SCAF1: variants seen among roughly 807,000 people sequenced by gnomAD.
SCAF1 encodes the protein SR-related CTD associated factor 1.
A neutral mutation model predicts 91.2 loss-of-function variants in SCAF1; 28 were observed. The ratio of observed to expected loss-of-function variants is 0.31; its 90% CI spans 0.23 to 0.42. The LOEUF is 0.42. SCAF1 is among the 10% of genes least tolerant of loss of function. SCAF1 has a pLI of 1.00. For missense variants in SCAF1, 1,893 were observed against 1,872.1 expected, an observed-to-expected ratio of 1.01 and a Z score of -0.21; for synonymous variants, 1,036 against 833.7, an observed-to-expected ratio of 1.24 and a Z score of -4.18.
intron 9 of SCAF1, among the ~76,000 whole-genome samples, chr19:49,656,352 A>G (rs909849596): frequency 1.3e-5 from 2 of 152,176 alleles, no homozygotes; most frequent in African/African-American, 4.8e-5. Context: ...AGAGTTCCCT[A>G]ACAGCTCAGT....
Position 49,652,480 on chromosome 19 carries a change from C to T in SCAF1, c.2091C>T (p.Asp697=), listed in dbSNP as rs1374550871. ...CCATCCAGGACCTCACGGACCACGA[C>T]CTCTTCGCCATCAAGCGGACCATCA... ...PPSIQDLTDH[D]LFAIKRTITV... is the part of the protein sequence containing the mutation. The change falls in exon 7 of 11, where the codon GAC becomes GAT. Residue 697 remains aspartate, a synonymous_variant. Coordinates refer to ENST00000360565, the MANE Select transcript of SCAF1 (RefSeq NM_021228.3). 7 of 1,594,230 alleles carry T rather than the reference C, an allele frequency of 4.4e-6. No individual in the cohort carries two copies. The African/African-American group carries it at 8.1e-5, about 18-fold the overall frequency.
In SCAF1 at chr19:49,653,465, G is replaced by A. The variant is rs949882637; in HGVS notation, c.3076G>A (p.Glu1026Lys). 1 of 1,551,200 alleles carries A rather than the reference G, an allele frequency of 6.4e-7. No homozygotes were observed. The highest frequency in any genetic ancestry group is 8.7e-7 in the Non-Finnish European group (1 of 1,149,950). The change falls in exon 7 of 11, where the codon GAG becomes AAG. Residue 1026 changes from glutamate (E) to lysine (K), a missense_variant. This residue lies in a region of SCAF1 where 1,436 missense variants were observed against 1,306.8 expected (regional missense o/e 1.10). Coordinates refer to ENST00000360565, the MANE Select transcript of SCAF1 (RefSeq NM_021228.3). ...GVRGGAEEEEEEEEEEEEEEE... is the reference protein window; with the variant it reads ...GVRGGAEEEEKEEEEEEEEEE... ...CCGAGGTGGGGCGGAGGAGGAGGAGGAGGAAGAAGAAGAGGAGGAGGAAGA... is the reference window on the plus strand; with the variant it reads ...CCGAGGTGGGGCGGAGGAGGAGGAGAAGGAAGAAGAAGAGGAGGAGGAAGA...
chr19:49,645,115 C>T lies in SCAF1; in HGVS notation c.89C>T (p.Ser30Phe). The change falls in exon 2 of 11, where the codon TCT (serine) becomes TTT (phenylalanine). Residue 30 changes from serine (S) to phenylalanine (F), a missense_variant. By Grantham distance (155) the Ser-to-Phe change is radical. Around this residue, in one of 5 missense-constraint regions of SCAF1, gnomAD observed 270 missense variants for 292.5 expected, o/e 0.92. Transcript: ENST00000360565. This position sits in a 1 kb window ranked among gnomAD's most constrained non-coding sequence, Gnocchi z 4.6. Reference protein sequence around the residue: ...DGPPDRDPTLSPSAFILRAIQ... With the variant: ...DGPPDRDPTLFPSAFILRAIQ... ...CCGCCAGACAGAGACCCCACGCTTT[C>T]TCCTTCTGCCTTTATCCTGGTGAGG... 1 of 1,614,118 alleles carries T rather than the reference C, an allele frequency of 6.2e-7. No homozygotes were observed. Among genetic ancestry groups the T allele is most frequent in the Admixed American group, 1.7e-5 (1 of 60,016 alleles).
rs1344279462 is a variant in SCAF1 at position 49,651,471 on chromosome 19, C to T, written c.1082C>T (p.Ala361Val). Reference protein sequence around the residue: ...RVFVVGTEAEACREGKVSVEV... With the variant: ...RVFVVGTEAEVCREGKVSVEV... ...TTCGTGGTGGGGACCGAGGCAGAGG[C>T]TTGTCGGGAAGGCAAGGTCTCGGTG... Residue 361 changes from alanine (A) to valine (V), a missense_variant, in exon 7 of 11, where the codon GCT (alanine) becomes GTT (valine). Ala to Val is a moderately conservative substitution (Grantham distance 64). Transcript: ENST00000360565. 2 of 1,585,246 alleles carry T rather than the reference C, an allele frequency of 1.3e-6. No individual in the cohort carries two copies. The highest frequency in any genetic ancestry group is 1.7e-6 in the Non-Finnish European group (2 of 1,167,030).
upstream of SCAF1, among the ~76,000 whole-genome samples, chr19:49,641,441 C>T (rs1025717480): frequency 2.0e-5 from 3 of 152,282 alleles, no homozygotes; most frequent in East Asian, 3.9e-4. Context: ...CTCAGCCTCC[C>T]GAGTAGCTGG....
In SCAF1 at chr19:49,649,263, C is replaced by T. The variant is rs561612827; in HGVS notation, c.479-1605C>T. On this transcript the variant is annotated intron_variant, in intron 6 of 10. Coordinates refer to ENST00000360565, the MANE Select transcript of SCAF1 (RefSeq NM_021228.3). ...CTGTGGATCTCGCGTGTTTGCAGAG[C>T]GCTCTAGTCTGTGGAGAGTATTTTG... 3.9e-4 allele frequency among the ~76,000 whole-genome samples: 59 copies of T among 152,170 alleles called. No individual in the cohort carries two copies. The Middle Eastern group carries it at 0.01, about 26-fold the overall frequency.
rs779515816 is a variant in SCAF1, at chr19:49,651,261, C to T, written c.872C>T (p.Ser291Phe). 3 of 1,611,890 alleles carry T rather than the reference C, an allele frequency of 1.9e-6. No homozygotes were observed. Among genetic ancestry groups the T allele is most frequent in the East Asian group, 2.2e-5 (1 of 44,848 alleles). The change falls in exon 7 of 11, where the codon TCC becomes TTC. Residue 291 changes from serine to phenylalanine, a missense_variant. Transcript: ENST00000360565. The stretch of plus-strand genomic sequence containing the variant: ...GACGAGGAGGAGGAGGAAGGCCTGT[C>T]CCAGAGCATCAGCCGCATCTCGGAG... The part of the protein sequence containing the change: ...EEDEEEEEGL[S>F]QSISRISETL...
Position 49,645,165 on chromosome 19 carries a change from A to G in SCAF1, c.108+31A>G, listed in dbSNP as rs1339364835. The stretch of plus-strand genomic sequence containing the variant: ...GCTGCTGGGCTCCTGGCACTGAGGG[A>G]TGGAGGAGCTGGGCATCCACACTCC... On this transcript the variant is annotated intron_variant, in intron 2 of 10. Transcript: ENST00000360565. The surrounding 1 kb of genome is among the most constrained non-coding windows in gnomAD (Gnocchi z 4.6). 1 of 1,593,494 alleles carries G rather than the reference A, an allele frequency of 6.3e-7. No individual in the cohort carries two copies. Among genetic ancestry groups the G allele is most frequent in the Admixed American group, 1.7e-5 (1 of 59,694 alleles).
At position 49,645,676 on chromosome 19, in the gene SCAF1, A is replaced by C. The variant is rs1244860598; in HGVS notation, c.166+265A>C. 1.3e-5 allele frequency among the ~76,000 whole-genome samples: 2 copies of C among 152,188 alleles called. No homozygotes were observed. The highest frequency in any genetic ancestry group is 2.9e-5 in the Non-Finnish European group (2 of 68,018). On this transcript the variant is annotated intron_variant, in intron 3 of 10. Transcript: ENST00000360565. This position sits in a 1 kb window ranked among gnomAD's most constrained non-coding sequence, Gnocchi z 4.6. ...GTCAGGGCACCTTCCCCGAGCAGGG[A>C]CAGTGAACGGCTCTCTAAGGACCTA...
chr19:49,644,686 A>C, intron 1 of SCAF1: 8 of 208,010 alleles, frequency 3.8e-5, no homozygotes, highest in Non-Finnish European at 3.9e-5. Flanking sequence ...AGGCCAGGGA[A>C]TGAGGTCTTG....
At chr19:49,648,539 A>G (rs1323398161) in intron 6 of SCAF1, among the ~76,000 whole-genome samples, 1 of 149,118 alleles carries the variant, frequency 6.7e-6, no homozygotes, top group Non-Finnish European at 1.5e-5. Context: ...GATCACAGGC[A>G]TGAGCCACCA....
intron 10 of SCAF1, 102 bp downstream of exon 10, chr19:49,657,991 G>A: frequency 6.8e-7 from 1 of 1,462,200 alleles, no homozygotes; most frequent in Non-Finnish European, 9.3e-7. Context: ...CGGGGAGGAG[G>A]TCAGTCTGGG....
Position 49,653,043 on chromosome 19 carries a change from C to G in SCAF1, c.2654C>G (p.Thr885Ser). Reference sequence around the variant, plus strand: ...CTCAAACCTGACGAGCGGGCCCCCACTGAGATGGCCAAAGCAGCTCCGGGC... The same window carrying G: ...CTCAAACCTGACGAGCGGGCCCCCAGTGAGATGGCCAAAGCAGCTCCGGGC... ...PFLKPDERAP[T>S]EMAKAAPGST... The change falls in exon 7 of 11, where the codon ACT (threonine) becomes AGT (serine). Residue 885 changes from threonine to serine, a missense_variant. Physicochemically the swap from Thr to Ser is moderately conservative, Grantham distance 58 (BLOSUM62 1). Around this residue, in one of 5 missense-constraint regions of SCAF1, gnomAD observed 1,436 missense variants for 1,306.8 expected, o/e 1.10. Transcript: ENST00000360565. 1 of 1,614,052 alleles carries G rather than the reference C, an allele frequency of 6.2e-7. No homozygotes were observed. The highest frequency in any genetic ancestry group is 8.5e-7 in the Non-Finnish European group (1 of 1,180,018).
chr19:49,654,594 C>T (rs1353889905), intron 8 of SCAF1, 58 bp from the exon 9 acceptor site: 26 of 1,399,750 alleles, frequency 1.9e-5, no homozygotes, highest in Middle Eastern at 3.6e-4. Flanking sequence ...GTGGGGTGCA[C>T]GTCCCCTCTT....
Position 49,654,223 on chromosome 19 carries a change from C to T in SCAF1, c.3317-126C>T, listed in dbSNP as rs566567076. On this transcript the variant is annotated intron_variant, in intron 7 of 10. Transcript: ENST00000360565. ...AAGGCCCCCTTTTCCCAGTTCTGAG[C>T]GTGAGGCTTTGTGGCTGTTCTGGGG... is the stretch of plus-strand genomic sequence containing the variant. The T allele has an allele frequency of 7.4e-4, 560 of 758,742 alleles. 1 individual carries two copies. Among genetic ancestry groups the T allele is most frequent in the Non-Finnish European group, 1.1e-3 (497 of 453,636 alleles). 47.0% of individuals were successfully genotyped at this position (758,742 alleles called of 1,614,324 possible).
In SCAF1 at chr19:49,657,636, TCC is replaced by T; in HGVS notation, c.3619-124_3619-123del. 6.4e-6 allele frequency: 8 copies of T among 1,259,792 alleles called. No homozygotes were observed. The South Asian group carries it at 1.2e-4, about 18-fold the overall frequency. The allele number at this position is 1,259,792 out of a possible 1,614,324, so 78.0% of individuals were successfully genotyped here. A position where few individuals can be genotyped will look rare whatever the true frequency, so the allele number is the denominator to read the frequency against. On this transcript the variant is annotated intron_variant, in intron 9 of 10. Transcript: ENST00000360565. The stretch of plus-strand genomic sequence containing the variant: ...CATGGGACAGACCCTCAGCAGGACT[TCC>T]AGCCTGAGAGCAGCTGGACGGCCAG...
chr19:49,647,263 G>A lies in SCAF1; in HGVS notation c.478+433G>A, dbSNP rs201411975. 2.0e-5 allele frequency among the ~76,000 whole-genome samples: 3 copies of A among 152,238 alleles called. No individual in the cohort carries two copies. The East Asian group carries it at 5.8e-4, about 29-fold the overall frequency. ...CAAGTTTTTGATGTCTGAGATGTGC[G>A]CTGCCCAAGGAGGAATCTCTTCCTC... is the stretch of plus-strand genomic sequence containing the variant. On this transcript the variant is annotated intron_variant, in intron 6 of 10. Transcript: ENST00000360565.
rs769836700 is a variant in SCAF1, at chr19:49,654,784, A to AC, written c.3540dup (p.Thr1181HisfsTer10). 4.9e-5 allele frequency: 79 copies of AC among 1,605,676 alleles called. No individual in the cohort carries two copies. The highest frequency in any genetic ancestry group is 1.7e-4 in the Middle Eastern group (1 of 6,032). On this transcript the variant is annotated frameshift_variant, in exon 9 of 11. Coordinates refer to ENST00000360565, the MANE Select transcript of SCAF1 (RefSeq NM_021228.3). LOFTEE classifies it high-confidence loss of function. ...CCTCCCTCTGGGGGGCTGCGGTTCG[A>AC]CCCCCCCCACCCCCACCGGGCTGGC...
intron 1 of SCAF1, chr19:49,644,807 A>G: frequency 2.4e-6 from 1 of 410,118 alleles, no homozygotes. Context: ...CCCAGAAAAA[A>G]GGAAGAGAAT....
Sources: gnomAD v4.1 joint callset for allele counts (sites outside exome capture counted in the v4.1 genomes callset) on GRCh38, gnomAD v4.1.1 for gene constraint, gnomAD v4.1.1 regional missense constraint, Gnocchi (gnomAD v3.1) non-coding constraint, MANE v1.5 for transcripts, NCBI Gene and HGNC (gene_info 2026-07-23, HGNC 2026-07-21) for gene names.